Variants in CRTAM observed in about 807,000 individuals in gnomAD.
CRTAM encodes the protein cytotoxic and regulatory T cell molecule.
Under a neutral mutation model 50.0 loss-of-function variants are expected in CRTAM, and 44 were observed. The ratio of observed to expected loss-of-function variants is 0.88; its 90% confidence interval spans 0.69 to 1.13. The LOEUF (loss-of-function observed/expected upper bound fraction) is 1.13, where lower values mean the gene tolerates loss of function less well. Ranked by LOEUF, CRTAM falls within the 50% of genes most tolerant of loss-of-function variation. The pLI, the probability that CRTAM is intolerant of heterozygous loss-of-function variation, is 0.00. For missense variants in CRTAM, 448 were observed against 457.5 expected (o/e 0.98, Z 0.19); for synonymous variants, 159 against 169.3 (o/e 0.94, Z 0.47).
At chr11:122,846,603 TCA>T (rs1861866647) in intron 1 of CRTAM, among the ~76,000 whole-genome samples, 1 of 151,960 alleles carries the variant, frequency 6.6e-6, no homozygotes, top group South Asian at 2.1e-4. Context: ...TTTTATTATT[TCA>T]CAGAGTTCTA....
chr11:122,848,724 G>T (rs1215610646), intron 1 of CRTAM, among the ~76,000 whole-genome samples: 3 of 152,022 alleles, frequency 2.0e-5, no homozygotes, highest in African/African-American at 7.2e-5. Flanking sequence ...CTTTTTTGTT[G>T]TTGTTGTTAA....
intron 7 of CRTAM, among the ~76,000 whole-genome samples, chr11:122,865,975 T>C (rs1407802487): frequency 6.6e-6 from 1 of 152,046 alleles, no homozygotes; most frequent in Non-Finnish European, 1.5e-5. Flanking sequence ...CTGCATGGAG[T>C]ATTATAACTT....
rs1227814374 is a variant in CRTAM at position 122,864,855 on chromosome 11, TG to T, written c.817+137del. On this transcript the variant is annotated intron_variant, in intron 7 of 9. Transcript: ENST00000227348. ...GGACATGATTGGTTAATCACTCCCT[TG>T]TCCCTCCTTGATTTAGTTACCTCTC... is the stretch of plus-strand genomic sequence containing the variant. 6.3e-6 allele frequency: 4 copies of T among 631,900 alleles called. No homozygotes were observed. The African/African-American group carries it at 7.4e-5, about 12-fold the overall frequency. 39.1% of individuals were successfully genotyped at this position (631,900 alleles called of 1,614,324 possible).
intron 1 of CRTAM, among the ~76,000 whole-genome samples, chr11:122,846,983 T>C (rs769061981): frequency 3.9e-5 from 6 of 152,220 alleles, no homozygotes; most frequent in Non-Finnish European, 8.8e-5. Context: ...CTCTTTCCAC[T>C]TTTCTTTGTA....
chr11:122,845,640 G>C (rs1861853913), intron 1 of CRTAM, among the ~76,000 whole-genome samples: 1 of 152,128 alleles, frequency 6.6e-6, no homozygotes, highest in Non-Finnish European at 1.5e-5. Flanking sequence ...CTGGGAGGTG[G>C]AGGTTGCAGT....
At chr11:122,857,980 G>A (rs1289231670) in intron 5 of CRTAM, among the ~76,000 whole-genome samples, 1 of 152,048 alleles carries the variant, frequency 6.6e-6, no homozygotes, top group Admixed American at 6.6e-5. Context: ...GTGTGATCGC[G>A]GCTCACTGCA....
At chr11:122,861,648 C>T (rs1183811687) in intron 5 of CRTAM, among the ~76,000 whole-genome samples, 3 of 151,610 alleles carry the variant, frequency 2.0e-5, no homozygotes, top group African/African-American at 7.3e-5. Context: ...ACCATGTTGA[C>T]CAGGCTGGTC....
chr11:122,851,607 G>A (rs1861930467), intron 2 of CRTAM, 86 bp from the exon 3 acceptor site: 1 of 1,163,534 alleles, frequency 8.6e-7, no homozygotes, highest in Non-Finnish European at 1.3e-6. Flanking sequence ...TAGAAAGCGG[G>A]GCAGTGCTTC....
intron 1 of CRTAM, among the ~76,000 whole-genome samples, chr11:122,848,590 A>T (rs1328740012): frequency 1.3e-5 from 2 of 152,252 alleles, no homozygotes; most frequent in African/African-American, 4.8e-5. Flanking sequence ...TAGAGGCTAG[A>T]TTCAAATTAA....
At chr11:122,855,633 T>C in intron 4 of CRTAM, 62 bp from the exon 5 acceptor site, 2 of 1,475,904 alleles carry the variant, frequency 1.4e-6, no homozygotes, top group African/African-American at 1.4e-5. Context: ...CATTGGCCTC[T>C]AATAGAACCA....
At chr11:122,865,864 G>T (rs914092418) in intron 7 of CRTAM, among the ~76,000 whole-genome samples, 3 of 152,104 alleles carry the variant, frequency 2.0e-5, no homozygotes, top group Non-Finnish European at 4.4e-5. Context: ...ATGCACACAC[G>T]TATATAAAAT....
chr11:122,848,900 A>G (rs1442755817), intron 1 of CRTAM, among the ~76,000 whole-genome samples: 1 of 152,232 alleles, frequency 6.6e-6, no homozygotes, highest in African/African-American at 2.4e-5. Flanking sequence ...GAATGGCAAT[A>G]AGCATGCCAA....
At chr11:122,863,250 A>AAAGG (rs56329683) in intron 6 of CRTAM, among the ~76,000 whole-genome samples, 2 of 141,602 alleles carry the variant, frequency 1.4e-5, no homozygotes, top group African/African-American at 5.3e-5. Flanking sequence ...AGAAAGAAAG[A>AAAGG]GAGAAAGAAA....
intron 4 of CRTAM, among the ~76,000 whole-genome samples, chr11:122,855,097 C>T (rs1023086029): frequency 6.6e-6 from 1 of 152,150 alleles, no homozygotes; most frequent in African/African-American, 2.4e-5. Context: ...GTGCATGCCA[C>T]AACACCCAGC....
intron 6 of CRTAM, among the ~76,000 whole-genome samples, chr11:122,863,616 A>T (rs1417609014): frequency 6.6e-6 from 1 of 152,160 alleles, no homozygotes; most frequent in Non-Finnish European, 1.5e-5. Flanking sequence ...AACACTGATA[A>T]ATACAACATG....
At chr11:122,843,444 A>G (rs1861824077) in intron 1 of CRTAM, among the ~76,000 whole-genome samples, 1 of 152,236 alleles carries the variant, frequency 6.6e-6, no homozygotes, top group African/African-American at 2.4e-5. Context: ...GTGACCTCAC[A>G]GGCGAAACAC....
At chr11:122,866,794 A>G (rs1380939374) in intron 7 of CRTAM, among the ~76,000 whole-genome samples, 1 of 151,818 alleles carries the variant, frequency 6.6e-6, no homozygotes, top group Admixed American at 6.6e-5. Context: ...TTATTTTTGT[A>G]GAGACAAAGT....
chr11:122,846,612 TCTAACAC>T (rs1184791835), intron 1 of CRTAM, among the ~76,000 whole-genome samples: 1 of 150,710 alleles, frequency 6.6e-6, no homozygotes, highest in Non-Finnish European at 1.5e-5. Context: ...TTCACAGAGT[TCTAACAC>T]CTCTGTCTGT....
intron 3 of CRTAM, among the ~76,000 whole-genome samples, chr11:122,853,338 G>A (rs1861959431): frequency 6.6e-6 from 1 of 151,904 alleles, no homozygotes; most frequent in African/African-American, 2.4e-5. Context: ...CCAAAGTGCT[G>A]GGATTACAGG....
Sources: gnomAD v4.1 joint callset for allele counts (sites outside exome capture counted in the v4.1 genomes callset) on GRCh38, gnomAD v4.1.1 for gene constraint, MANE v1.5 for transcripts, NCBI Gene and HGNC (gene_info 2026-07-23, HGNC 2026-07-21) for gene names.